CDH18: variants seen among roughly 807,000 people sequenced by gnomAD.
CDH18 encodes cadherin 18.
Under a neutral mutation model 67.9 loss-of-function variants are expected in CDH18, and 31 were observed. The observed-to-expected ratio is 0.46, with a 90% CI of 0.34 to 0.62. The LOEUF is 0.62. Among genes scored for constraint, CDH18 ranks in the 20% least tolerant of loss-of-function variants. The pLI is 0.01. For synonymous variants in CDH18, 362 were observed against 347.2 expected, an observed-to-expected ratio of 1.04 and a Z score of -0.48; for missense variants, 890 against 975.5, an observed-to-expected ratio of 0.91 and a Z score of 1.17.
At chr5:20,510,546 T>G (rs755975483) in intron 1 of CDH18, among the ~76,000 whole-genome samples, 48 of 152,244 alleles carry the variant, frequency 3.2e-4, no homozygotes, top group Non-Finnish European at 5.6e-4. Flanking sequence ...CTGACTCCCA[T>G]AATCTCACCC....
In CDH18 at chr5:20,102,215, AGTGTGTGTGTGTGTGTGTGTGT is replaced by A. The variant is rs56036253; in HGVS notation, c.-517-110223_-517-110202del. On this transcript the variant is annotated intron_variant, in intron 2 of 14. Transcript: ENST00000507958. ...TGAGATTGTATTCAGTGTTATGTGC[AGTGTGTGTGTGTGTGTGTGTGT>A]GTGTGTGTGTGTGTGTATTCACGAT... is the stretch of plus-strand genomic sequence containing the variant. Among the ~76,000 whole-genome samples, 4 of 148,890 alleles carry A rather than the reference AGTGTGTGTGTGTGTGTGTGTGT, an allele frequency of 2.7e-5. No individual in the cohort carries two copies. In the South Asian group the frequency reaches 8.6e-4, roughly 32 times the overall value.
At chr5:20,262,301 C>A (rs1482165691) in intron 1 of CDH18, among the ~76,000 whole-genome samples, 1 of 152,114 alleles carries the variant, frequency 6.6e-6, no homozygotes, top group East Asian at 1.9e-4. Flanking sequence ...TTTAGTAGCC[C>A]TGGCTTAAAG....
intron 8 of CDH18, among the ~76,000 whole-genome samples, chr5:19,558,405 T>C (rs1738838807): frequency 6.6e-6 from 1 of 151,718 alleles, no homozygotes; most frequent in South Asian, 2.1e-4. Context: ...ATTAGTGAGA[T>C]TAACTAAAAA....
chr5:19,719,278 A>T (rs531809304), intron 5 of CDH18, among the ~76,000 whole-genome samples: 1 of 152,098 alleles, frequency 6.6e-6, no homozygotes, highest in East Asian at 1.9e-4. Flanking sequence ...TTAATGGACT[A>T]ATGTCATATA....
chr5:19,585,088 G>A (rs1743950749), intron 7 of CDH18, among the ~76,000 whole-genome samples: 1 of 151,852 alleles, frequency 6.6e-6, no homozygotes, highest in Admixed American at 6.6e-5. Context: ...ACCATTTACA[G>A]AATTGAAACG....
chr5:20,376,091 A>ATTTTTTTTTTTTTTTTTTTTTTT (rs562655039), intron 1 of CDH18, among the ~76,000 whole-genome samples: 1,090 of 49,754 alleles, frequency 0.022, 443 homozygotes, highest in Non-Finnish European at 0.028. Context: ...AAAAGAAACA[A>ATTTTTTTTTTTTTTTTTTTTTTT]TTTTTTTTTT....
At position 19,837,075 on chromosome 5, in the gene CDH18, A is replaced by G. The variant is rs1359508151; in HGVS notation, c.228+1684T>C. Among the ~76,000 whole-genome samples, 3 of 152,190 alleles carry G rather than the reference A, an allele frequency of 2.0e-5. No individual in the cohort carries two copies. In the East Asian group the frequency reaches 5.8e-4, roughly 29 times the overall value. The stretch of plus-strand genomic sequence containing the variant: ...ACATTTATACCAGGGAATACTATGC[A>G]GCCATAAAAAAGGATGAGTTCATGT... On this transcript the variant is annotated intron_variant, in intron 3 of 12. Transcript: ENST00000382275.
chr5:20,455,697 TA>T (rs1225571381), intron 1 of CDH18, among the ~76,000 whole-genome samples: 3 of 152,074 alleles, frequency 2.0e-5, no homozygotes, highest in African/African-American at 7.2e-5. Context: ...TTTATACAAA[TA>T]TAACTTTTTT....
rs1365177585 is a variant in CDH18 at position 20,482,088 on chromosome 5, T to C, written c.-580+93374A>G. 3.3e-5 allele frequency among the ~76,000 whole-genome samples: 5 copies of C among 151,738 alleles called. No individual in the cohort carries two copies. The East Asian group carries it at 9.7e-4, about 29-fold the overall frequency. On this transcript the variant is annotated intron_variant, in intron 1 of 14. Transcript: ENST00000507958. ...AAGAGAGAAGAATAAAATAAAATTATAGATGGAAAAGGAGACATTACGATT... is the reference window on the plus strand; with the variant it reads ...AAGAGAGAAGAATAAAATAAAATTACAGATGGAAAAGGAGACATTACGATT...
chr5:19,858,083 T>C (rs1233557728), intron 2 of CDH18, among the ~76,000 whole-genome samples: 3 of 152,086 alleles, frequency 2.0e-5, no homozygotes, highest in Non-Finnish European at 2.9e-5. Context: ...TATATGATAA[T>C]GTTAACTCAA....
intron 1 of CDH18, among the ~76,000 whole-genome samples, chr5:20,277,301 CACAG>C (rs1253330371): frequency 6.6e-6 from 1 of 152,058 alleles, no homozygotes; most frequent in Non-Finnish European, 1.5e-5. Flanking sequence ...GGCAACTCAG[CACAG>C]AGAGAGAGAC....
intron 1 of CDH18, among the ~76,000 whole-genome samples, chr5:20,448,521 T>C (rs928456284): frequency 2.6e-5 from 4 of 152,280 alleles, no homozygotes; most frequent in Admixed American, 2.0e-4. Flanking sequence ...AATGAACTGA[T>C]TAAAATTCAC....
At chr5:19,784,488 T>C (rs530906601) in intron 3 of CDH18, among the ~76,000 whole-genome samples, 1 of 152,322 alleles carries the variant, frequency 6.6e-6, no homozygotes. Context: ...GGCATGCCAC[T>C]TTTTTAAAAT....
At chr5:19,609,117 G>A (rs1286062242) in intron 6 of CDH18, among the ~76,000 whole-genome samples, 1 of 151,890 alleles carries the variant, frequency 6.6e-6, no homozygotes, top group Non-Finnish European at 1.5e-5. Context: ...ATAGGAAATG[G>A]CAGAATAAAA....
intron 1 of CDH18, among the ~76,000 whole-genome samples, chr5:20,450,229 C>A (rs1039445504): frequency 6.6e-6 from 1 of 152,060 alleles, no homozygotes; most frequent in East Asian, 1.9e-4. Flanking sequence ...CGCCTGTAAT[C>A]CCAGCTACTT....
At chr5:19,968,231 G>A (rs1199403668) in intron 2 of CDH18, among the ~76,000 whole-genome samples, 5 of 151,858 alleles carry the variant, frequency 3.3e-5, no homozygotes, top group African/African-American at 7.3e-5. Context: ...GCTCATGGGT[G>A]GGAAGAATCA....
rs189100201 is a variant in CDH18 at position 19,935,516 on chromosome 5, C to T, written c.-257+45544G>A. Among the ~76,000 whole-genome samples, 6 of 151,304 alleles carry T rather than the reference C, an allele frequency of 4.0e-5. No individual in the cohort carries two copies. In the Admixed American group the frequency reaches 4.0e-4, roughly 10 times the overall value. On this transcript the variant is annotated intron_variant, in intron 2 of 12. Transcript: ENST00000382275. ...CCATAGAAATTAGTACAGGAACATG[C>T]TGTACATGTCTGTAGCCTAGGAGGA...
intron 2 of CDH18, among the ~76,000 whole-genome samples, chr5:20,209,754 G>A (rs985655174): frequency 3.3e-5 from 5 of 151,734 alleles, no homozygotes; most frequent in African/African-American, 4.8e-5. Flanking sequence ...AGACAATAAC[G>A]TAAATGTTCC....
At chr5:20,340,226 G>C (rs1411108305) in intron 1 of CDH18, among the ~76,000 whole-genome samples, 1 of 152,116 alleles carries the variant, frequency 6.6e-6, no homozygotes, top group Non-Finnish European at 1.5e-5. Context: ...AAATATGAAA[G>C]GACAAGTTTA....
Sources: gnomAD v4.1 joint callset for allele counts (sites outside exome capture counted in the v4.1 genomes callset) on GRCh38, gnomAD v4.1.1 for gene constraint, MANE v1.5 for transcripts, NCBI Gene and HGNC (gene_info 2026-07-23, HGNC 2026-07-21) for gene names.